Variants in FREM1 observed in about 807,000 individuals in gnomAD.
FREM1 encodes FRAS1-related extracellular matrix protein 1.
A neutral mutation model predicts 210.1 loss-of-function variants in FREM1; 220 were observed. The ratio of observed to expected loss-of-function variants is 1.05; its 90% CI spans 0.94 to 1.17. FREM1 has a LOEUF of 1.17. Among genes scored for constraint, FREM1 ranks in the 50% most tolerant of loss-of-function variants. FREM1 has a pLI of 0.00. For synonymous variants in FREM1, 1,189 were observed against 980.2 expected (o/e 1.21, Z -3.98); for missense variants, 3,454 against 2,675.5 (o/e 1.29, Z -6.42).
At chr9:14,889,737 C>A (rs1355928321) in intron 1 of FREM1, among the ~76,000 whole-genome samples, 1 of 152,182 alleles carries the variant, frequency 6.6e-6, no homozygotes, top group African/African-American at 2.4e-5. Context: ...AACTCCTTTC[C>A]TTCTATGCTC....
At chr9:14,809,304 G>C (rs1818958708) in intron 16 of FREM1, among the ~76,000 whole-genome samples, 1 of 152,106 alleles carries the variant, frequency 6.6e-6, no homozygotes, top group Non-Finnish European at 1.5e-5. Flanking sequence ...CCAATTTCGG[G>C]TATGTCTTTA....
Position 14,885,011 on chromosome 9 carries a change from G to A in FREM1, c.-267-15767C>T, listed in dbSNP as rs1342862399. Among the ~76,000 whole-genome samples the A allele has an allele frequency of 3.5e-5, 4 of 115,122 alleles. 1 individual carries two copies. Among genetic ancestry groups the A allele is most frequent in the Admixed American group, 2.3e-4 (2 of 8,846 alleles). 75.5% of individuals were successfully genotyped at this position (115,122 alleles called of 152,430 possible). On this transcript the variant is annotated intron_variant, in intron 1 of 36. Transcript: ENST00000380880. Reference sequence around the variant, plus strand: ...GCGATCTCGGCTCACTGCAAGCTCCGCCTCCCGGGTTCACGCCATTCTCCT... The same window carrying A: ...GCGATCTCGGCTCACTGCAAGCTCCACCTCCCGGGTTCACGCCATTCTCCT...
intron 1 of FREM1, among the ~76,000 whole-genome samples, chr9:14,906,173 G>C (rs1588691832): frequency 6.6e-6 from 1 of 152,194 alleles, no homozygotes; most frequent in Admixed American, 6.5e-5. Flanking sequence ...AGTGAGGTAA[G>C]TATCAATGAC....
At chr9:14,904,504 G>C (rs1817341795) in intron 1 of FREM1, among the ~76,000 whole-genome samples, 1 of 151,570 alleles carries the variant, frequency 6.6e-6, no homozygotes, top group Non-Finnish European at 1.5e-5. Flanking sequence ...AAGTGCATAT[G>C]TATGGAAAAG....
chr9:14,795,032 G>C (rs1852118109), intron 21 of FREM1, among the ~76,000 whole-genome samples: 1 of 149,796 alleles, frequency 6.7e-6, no homozygotes, highest in Admixed American at 6.7e-5. Flanking sequence ...AAGAAAGAAA[G>C]AAAAAAATAA....
chr9:14,759,413 G>C (rs1212783365), intron 28 of FREM1, among the ~76,000 whole-genome samples: 4 of 151,866 alleles, frequency 2.6e-5, no homozygotes, highest in Admixed American at 6.6e-5. Flanking sequence ...GGGAGCCTGA[G>C]GCAGGAGAAT....
chr9:14,742,631 A>T (rs543865821), intron 35 of FREM1, among the ~76,000 whole-genome samples: 1 of 152,284 alleles, frequency 6.6e-6, no homozygotes, highest in East Asian at 1.9e-4. Flanking sequence ...ACTTTCAGAA[A>T]TATTTGTTAA....
chr9:14,740,306 G>A, intron 35 of FREM1, 72 bp from the exon 36 acceptor site: 1 of 1,067,290 alleles, frequency 9.4e-7, no homozygotes, highest in African/African-American at 1.6e-5. Context: ...ATGCATAACA[G>A]AAATAAAAGT....
intron 10 of FREM1, among the ~76,000 whole-genome samples, chr9:14,834,128 T>C (rs1824091620): frequency 6.6e-6 from 1 of 152,194 alleles, no homozygotes; most frequent in South Asian, 2.1e-4. Flanking sequence ...GAAAATACAC[T>C]GTAAGAGATG....
intron 36 of FREM1, among the ~76,000 whole-genome samples, chr9:14,739,245 T>C (rs1840992446): frequency 6.6e-6 from 1 of 150,894 alleles, no homozygotes; most frequent in African/African-American, 2.4e-5. Context: ...GTGGGACTAC[T>C]GTTAGCTGCC....
At chr9:14,885,259 G>A (rs1835603546) in intron 1 of FREM1, among the ~76,000 whole-genome samples, 1 of 152,064 alleles carries the variant, frequency 6.6e-6, no homozygotes, top group East Asian at 1.9e-4. Context: ...AGTGATCTAG[G>A]TAGTTATCAC....
intron 21 of FREM1, among the ~76,000 whole-genome samples, chr9:14,793,226 C>G (rs992556367): frequency 6.6e-6 from 1 of 152,144 alleles, no homozygotes; most frequent in Non-Finnish European, 1.5e-5. Context: ...AACAACAGCT[C>G]CATGAAGTAA....
chr9:14,871,965 G>A (rs1029225929), intron 1 of FREM1, among the ~76,000 whole-genome samples: 1 of 152,150 alleles, frequency 6.6e-6, no homozygotes, highest in Non-Finnish European at 1.5e-5. Context: ...TCAAAGATCA[G>A]ATAGATCTTT....
chr9:14,823,434 GC>G, intron 12 of FREM1, 107 bp from the exon 13 acceptor site: 1 of 904,034 alleles, frequency 1.1e-6, no homozygotes, highest in Non-Finnish European at 1.6e-6. Flanking sequence ...CACTGTAAAT[GC>G]CACCATCATC....
intron 27 of FREM1, among the ~76,000 whole-genome samples, chr9:14,765,742 T>A (rs74413526): frequency 1.7e-3 from 260 of 152,274 alleles, no homozygotes; most frequent in African/African-American, 5.8e-3. Context: ...ACAGAACAGT[T>A]AGAATGTGAG....
intron 13 of FREM1, 37 bp downstream of exon 13, chr9:14,823,123 C>G (rs1294856804): frequency 1.3e-6 from 2 of 1,509,740 alleles, no homozygotes; most frequent in Non-Finnish European, 1.8e-6. Context: ...CCTTTCTTTT[C>G]CTCCTTTTCA....
rs775423336 is a variant in FREM1, at chr9:14,807,994, C to T, written c.3034G>A (p.Asp1012Asn). The T allele has an allele frequency of 2.5e-6, 4 of 1,613,698 alleles. 1 individual carries two copies. Among genetic ancestry groups the T allele is most frequent in the Non-Finnish European group, 3.4e-6 (4 of 1,179,806 alleles). Residue 1012 changes from aspartate to asparagine, a missense_variant, in exon 17 of 37, where the codon GAT becomes AAT. Asp to Asn is a conservative substitution (Grantham distance 23). Transcript: ENST00000380880. ...ACTGGGTATACCGTGATGTTGAGAT[C>T]ATACACTGGAAAGGACGCATGAAGT... is the stretch of plus-strand genomic sequence containing the variant. ...VPLHASFPVY[D>N]LNITVYPVDN... is the part of the protein sequence containing the mutation.
intron 15 of FREM1, among the ~76,000 whole-genome samples, chr9:14,813,429 T>C (rs1278675770): frequency 6.6e-6 from 1 of 152,224 alleles, no homozygotes; most frequent in Admixed American, 6.5e-5. Flanking sequence ...ATTCTGGTCC[T>C]TGTGGTCCAA....
intron 10 of FREM1, among the ~76,000 whole-genome samples, chr9:14,830,024 G>A (rs1823251385): frequency 6.6e-6 from 1 of 152,182 alleles, no homozygotes; most frequent in Non-Finnish European, 1.5e-5. Flanking sequence ...GGAGAGAACA[G>A]GTACCTGGGG....
Sources: gnomAD v4.1 joint callset for allele counts (sites outside exome capture counted in the v4.1 genomes callset) on GRCh38, gnomAD v4.1.1 for gene constraint, MANE v1.5 for transcripts, NCBI Gene and HGNC (gene_info 2026-07-23, HGNC 2026-07-21) for gene names.